KCNH1: variants seen among roughly 807,000 people sequenced by gnomAD.
KCNH1 encodes potassium voltage-gated channel subfamily H member 1.
A neutral mutation model predicts 69.2 loss-of-function variants in KCNH1; 27 were observed. The ratio of observed to expected loss-of-function variants is 0.39; its 90% CI spans 0.29 to 0.54. The LOEUF is 0.54. KCNH1 is among the 20% of genes least tolerant of loss of function. The probability of loss-of-function intolerance (pLI) is 0.68; values close to 1 mark genes in which losing one functional copy is unlikely to be tolerated. For missense variants in KCNH1, 798 were observed against 1,261.6 expected (o/e 0.63, Z 5.57); for synonymous variants, 456 against 487.7 (o/e 0.93, Z 0.86).
chr1:210,758,712 A>G (rs189918411), intron 10 of KCNH1, among the ~76,000 whole-genome samples: 68 of 152,164 alleles, frequency 4.5e-4, no homozygotes, highest in African/African-American at 1.3e-3. Context: ...CCTTCCACCA[A>G]CCTCCTCAGT....
rs370707565 is a variant in KCNH1 at position 210,801,402 on chromosome 1, C to T, written c.1662+2565G>A. Among the ~76,000 whole-genome samples, 6 of 152,332 alleles carry T rather than the reference C, an allele frequency of 3.9e-5. No homozygotes were observed. In the South Asian group the frequency reaches 6.2e-4, roughly 16 times the overall value. On this transcript the variant is annotated intron_variant, in intron 8 of 10. Transcript: ENST00000271751. ...CTCCCCAGCAGTAGCCTGCCACAAGCTCCTGCCCAGAGGAGCAGCCAGCCC... is the reference window on the plus strand; with the variant it reads ...CTCCCCAGCAGTAGCCTGCCACAAGTTCCTGCCCAGAGGAGCAGCCAGCCC...
intron 6 of KCNH1, among the ~76,000 whole-genome samples, chr1:210,991,630 CACAT>C (rs1229138951): frequency 2.1e-5 from 3 of 141,908 alleles, no homozygotes; most frequent in Non-Finnish European, 4.7e-5. Flanking sequence ...CACACACACA[CACAT>C]AACACATACA....
At chr1:210,965,136 T>G (rs2358091) in intron 6 of KCNH1, among the ~76,000 whole-genome samples, 116,648 of 152,104 alleles carry the variant, frequency 0.77, 45,341 homozygotes, top group East Asian at 0.89. Context: ...AACCCACATT[T>G]AATATCATAC....
At chr1:211,006,711 A>G (rs1384054418) in intron 6 of KCNH1, among the ~76,000 whole-genome samples, 2 of 152,166 alleles carry the variant, frequency 1.3e-5, no homozygotes, top group Non-Finnish European at 2.9e-5. Flanking sequence ...ACACAAATTT[A>G]TTTACAAAGA....
At chr1:210,729,500 A>G (rs114125919) in intron 10 of KCNH1, among the ~76,000 whole-genome samples, 3,148 of 152,346 alleles carry the variant, frequency 0.021, 62 homozygotes, top group Middle Eastern at 0.034. Context: ...GTGACACCAC[A>G]TTTCTCTTCA....
chr1:211,069,303 A>G (rs1185021815), intron 5 of KCNH1, among the ~76,000 whole-genome samples: 2 of 119,522 alleles, frequency 1.7e-5, no homozygotes, highest in Admixed American at 1.0e-4. Context: ...CCCTACCATC[A>G]CATTACTAAA....
At chr1:210,908,903 A>G (rs926970491) in intron 7 of KCNH1, among the ~76,000 whole-genome samples, 2 of 152,144 alleles carry the variant, frequency 1.3e-5, no homozygotes, top group African/African-American at 4.8e-5. Context: ...CTCACTGGTG[A>G]TTTTTCACAT....
chr1:210,959,201 G>A (rs2102354478), intron 6 of KCNH1, among the ~76,000 whole-genome samples: 1 of 152,220 alleles, frequency 6.6e-6, no homozygotes, highest in Middle Eastern at 3.4e-3. Flanking sequence ...GAGCTTGCTG[G>A]AGGTCCACTC....
intron 6 of KCNH1, among the ~76,000 whole-genome samples, chr1:210,981,954 G>GT (rs1688718339): frequency 6.6e-6 from 1 of 152,098 alleles, no homozygotes; most frequent in Non-Finnish European, 1.5e-5. Flanking sequence ...GTTGGGGGAA[G>GT]CGGGTACGGT....
At chr1:210,759,156 G>GACACACACACAC (rs60773247) in intron 10 of KCNH1, among the ~76,000 whole-genome samples, 8,807 of 148,512 alleles carry the variant, frequency 0.059, 327 homozygotes, top group African/African-American at 0.091. Flanking sequence ...CCAAATGATA[G>GACACACACACAC]ACACACACAC....
intron 10 of KCNH1, among the ~76,000 whole-genome samples, chr1:210,705,725 C>T (rs1681894116): frequency 1.3e-5 from 2 of 152,116 alleles, no homozygotes; most frequent in South Asian, 4.2e-4. Flanking sequence ...CCTATGGGAT[C>T]AGCATTTCCC....
chr1:210,786,582 G>T (rs77691880), intron 9 of KCNH1, among the ~76,000 whole-genome samples: 1,588 of 151,908 alleles, frequency 0.01, 31 homozygotes, highest in African/African-American at 0.037. Flanking sequence ...CGTCTCCCTG[G>T]GTGTTCTCAG....
At chr1:211,034,507 T>C (rs984741680) in intron 5 of KCNH1, among the ~76,000 whole-genome samples, 6 of 152,144 alleles carry the variant, frequency 3.9e-5, no homozygotes, top group Non-Finnish European at 8.8e-5. Context: ...GTACCTTGAC[T>C]ATATCAATGC....
chr1:210,732,870 CCATCA>C (rs1435247885), intron 10 of KCNH1, among the ~76,000 whole-genome samples: 1 of 152,164 alleles, frequency 6.6e-6, no homozygotes, highest in African/African-American at 2.4e-5. Context: ...CCTACTAATA[CCATCA>C]CCTTGGTGGT....
intron 1 of KCNH1, among the ~76,000 whole-genome samples, chr1:211,115,730 T>TATATATATATATAC (rs1159442976): frequency 9.7e-4 from 84 of 87,006 alleles, no homozygotes; most frequent in Non-Finnish European, 1.4e-3. Flanking sequence ...TATATATATA[T>TATATATATATATAC]ACACACACAC....
rs1891662 is a variant in KCNH1 at position 210,812,666 on chromosome 1, G to A, written c.1463-8500C>T. Among the ~76,000 whole-genome samples the A allele has an allele frequency of 5.8e-3, 889 of 152,310 alleles. 15 individuals are homozygous for A. The highest frequency in any genetic ancestry group is 0.021 in the African/African-American group (862 of 41,574). ...GCTGTTGCCTATGCAGGGTGCAGGA[G>A]GGAGTGTCATTAACACATACATTAT... On this transcript the variant is annotated intron_variant, in intron 7 of 10. Transcript: ENST00000271751.
chr1:210,813,156 T>G (rs1176621447), intron 7 of KCNH1, among the ~76,000 whole-genome samples: 2 of 152,188 alleles, frequency 1.3e-5, no homozygotes, highest in Non-Finnish European at 2.9e-5. Context: ...ATCATGACAG[T>G]TGACACACAT....
intron 5 of KCNH1, among the ~76,000 whole-genome samples, chr1:211,045,317 T>C (rs1690078965): frequency 6.6e-6 from 1 of 151,788 alleles, no homozygotes; most frequent in African/African-American, 2.4e-5. Context: ...GGGTCCAGTG[T>C]ATACTGCTCA....
At chr1:210,859,210 A>G in intron 7 of KCNH1, 1 of 1,611,858 alleles carries the variant, frequency 6.2e-7, no homozygotes, top group Non-Finnish European at 8.5e-7. Flanking sequence ...CAAAATTGAA[A>G]GAACTTGGCA....
Sources: allele counts gnomAD v4.1 joint callset (sites outside exome capture counted in the v4.1 genomes callset), GRCh38; gene constraint gnomAD v4.1.1; transcripts MANE v1.5; gene names NCBI Gene and HGNC (gene_info 2026-07-23, HGNC 2026-07-21).